DUS2: variants seen among roughly 807,000 people sequenced by gnomAD.
DUS2 encodes the protein tRNA-dihydrouridine(20) synthase [NAD(P)+]-like.
Under a neutral mutation model 71.3 loss-of-function variants are expected in DUS2, and 52 were observed. The ratio of observed to expected loss-of-function variants is 0.73; its 90% confidence interval spans 0.58 to 0.92. The LOEUF is 0.92. Ranked by LOEUF, DUS2 falls within the 40% of genes least tolerant of loss-of-function variation. The pLI is 0.00. For missense variants in DUS2, 558 were observed against 622.6 expected (o/e 0.90, Z 1.10); for synonymous variants, 204 against 227.8 (o/e 0.90, Z 0.94).
At chr16:68,067,984 C>T (rs866882018) in intron 10 of DUS2, among the ~76,000 whole-genome samples, 1 of 152,208 alleles carries the variant, frequency 6.6e-6, no homozygotes, top group Admixed American at 6.5e-5. Flanking sequence ...CTCTGCCTCT[C>T]TTGTCTGCAT....
chr16:68,071,767 A>T (rs2034090185), intron 12 of DUS2, among the ~76,000 whole-genome samples: 1 of 151,556 alleles, frequency 6.6e-6, no homozygotes, highest in Admixed American at 6.6e-5. Flanking sequence ...CCTCCCAAGT[A>T]GTTGGGACTA....
intron 3 of DUS2, among the ~76,000 whole-genome samples, chr16:68,043,861 T>C (rs2033665467): frequency 6.6e-6 from 1 of 152,068 alleles, no homozygotes; most frequent in Non-Finnish European, 1.5e-5. Flanking sequence ...GACGGGGTTT[T>C]GGCATGTTGG....
intron 7 of DUS2, among the ~76,000 whole-genome samples, chr16:68,057,229 T>C (rs1335125669): frequency 1.4e-5 from 2 of 143,666 alleles, no homozygotes; most frequent in Non-Finnish European, 3.0e-5. Context: ...TGTATGTGTA[T>C]AGATACATAT....
chr16:68,069,115 G>A (rs1455282966), intron 10 of DUS2, among the ~76,000 whole-genome samples: 1 of 152,016 alleles, frequency 6.6e-6, no homozygotes, highest in Non-Finnish European at 1.5e-5. Flanking sequence ...GGGCCCGGGC[G>A]CGGTGGCTAA....
At chr16:68,052,677 C>G (rs977433562) in intron 4 of DUS2, among the ~76,000 whole-genome samples, 2 of 151,248 alleles carry the variant, frequency 1.3e-5, no homozygotes, top group Non-Finnish European at 2.9e-5. Flanking sequence ...GAGCCTCCCT[C>G]TGTTGCCCAG....
In DUS2 at chr16:68,073,489, G is replaced by A. The variant is rs900371501; in HGVS notation, c.811-545G>A. Among the ~76,000 whole-genome samples, 15 of 142,922 alleles carry A rather than the reference G, an allele frequency of 1.0e-4. No individual in the cohort carries two copies. The East Asian group carries it at 1.8e-3, about 18-fold the overall frequency. The allele number at this position is 142,922 out of a possible 152,430, so 93.8% of individuals were successfully genotyped here. ...TTTGAGACAGAGTTTTGCTGTTGTC[G>A]CCCAGGCTGGAGTGCAGTGGCACGA... On this transcript the variant is annotated intron_variant, in intron 12 of 16. Coordinates refer to ENST00000565263, the MANE Select transcript of DUS2 (RefSeq NM_017803.5).
chr16:68,078,462 T>C lies in DUS2; in HGVS notation c.1188T>C (p.Asp396=), dbSNP rs755411394. 6 of 1,614,084 alleles carry C rather than the reference T, an allele frequency of 3.7e-6. No homozygotes were observed. Among genetic ancestry groups the C allele is most frequent in the Non-Finnish European group, 5.1e-6 (6 of 1,180,036 alleles). ...PVYETVQRPL[D]RLFSSIVTVA... ...TGTATCAGGTTCAACGCCCTCTAGA[T>C]CGCCTGTTCTCCTCTATTGTCACCG... The change falls in exon 16 of 17, where the codon GAT becomes GAC. Residue 396 remains aspartate (D), a synonymous_variant. Transcript: ENST00000565263.
At chr16:68,034,180 C>A (rs151088610) in intron 2 of DUS2, among the ~76,000 whole-genome samples, 1 of 152,204 alleles carries the variant, frequency 6.6e-6, no homozygotes, top group African/African-American at 2.4e-5. Context: ...GTGATCTCAC[C>A]TCAGCCTCCC....
At chr16:68,043,298 G>C (rs1425554800) in intron 3 of DUS2, among the ~76,000 whole-genome samples, 1 of 152,068 alleles carries the variant, frequency 6.6e-6, no homozygotes, top group Non-Finnish European at 1.5e-5. Flanking sequence ...CCCAGCTACT[G>C]GGGAGGCTGA....
intron 2 of DUS2, among the ~76,000 whole-genome samples, chr16:68,027,946 A>G (rs1488794952): frequency 6.6e-6 from 1 of 152,142 alleles, no homozygotes; most frequent in Non-Finnish European, 1.5e-5. Context: ...GAAGCTTAGC[A>G]TGGGGGAGTT....
intron 8 of DUS2, among the ~76,000 whole-genome samples, chr16:68,065,557 G>A (rs2033993951): frequency 1.3e-5 from 2 of 151,978 alleles, no homozygotes; most frequent in Non-Finnish European, 2.9e-5. Flanking sequence ...CTTGAGCTAG[G>A]GAGGCAGAGG....
intron 4 of DUS2, among the ~76,000 whole-genome samples, chr16:68,049,797 G>A (rs1158294173): frequency 6.6e-6 from 1 of 152,172 alleles, no homozygotes; most frequent in African/African-American, 2.4e-5. Flanking sequence ...TCATAGCATA[G>A]GAGGGACTCT....
chr16:68,030,766 C>T (rs1211068714), intron 2 of DUS2, among the ~76,000 whole-genome samples: 3 of 152,068 alleles, frequency 2.0e-5, no homozygotes, highest in Non-Finnish European at 4.4e-5. Flanking sequence ...GGGCCTTGCT[C>T]TGTCACCCAG....
At chr16:68,035,980 C>CAT (rs1228499911) in intron 2 of DUS2, among the ~76,000 whole-genome samples, 3 of 129,278 alleles carry the variant, frequency 2.3e-5, no homozygotes, top group African/African-American at 9.6e-5. Flanking sequence ...TATATATATA[C>CAT]ATATATATAT....
intron 7 of DUS2, among the ~76,000 whole-genome samples, chr16:68,056,975 TA>T (rs1042368394): frequency 7.8e-5 from 11 of 141,410 alleles, no homozygotes; most frequent in Non-Finnish European, 1.4e-4. Flanking sequence ...ATTACACATA[TA>T]AATATATACA....
chr16:68,075,398 G>C lies in DUS2; in HGVS notation c.976G>C (p.Glu326Gln). The C allele has an allele frequency of 6.2e-7, 1 of 1,613,542 alleles. No individual in the cohort carries two copies. Among genetic ancestry groups the C allele is most frequent in the Non-Finnish European group, 8.5e-7 (1 of 1,179,724 alleles). Residue 326 changes from glutamate (E) to glutamine (Q), a missense_variant, in exon 14 of 17, where the codon GAG (glutamate) becomes CAG (glutamine). Glu to Gln is a conservative substitution (Grantham distance 29, BLOSUM62 2). Transcript: ENST00000565263. The stretch of plus-strand genomic sequence containing the variant: ...TGCCTTCTATGAGGAGACCACACAG[G>C]AGCTGGATGCCCAGCAGGCCAGGCT... ...LGAFYEETTQELDAQQARLSA... is the reference protein window; with the variant it reads ...LGAFYEETTQQLDAQQARLSA...
chr16:68,074,487 C>T (rs879265979), intron 13 of DUS2, among the ~76,000 whole-genome samples: 16 of 152,206 alleles, frequency 1.1e-4, no homozygotes, highest in Non-Finnish European at 1.9e-4. Flanking sequence ...CATGGAGCCT[C>T]TACCTTGAGC....
intron 6 of DUS2, among the ~76,000 whole-genome samples, chr16:68,055,932 C>T (rs1238112747): frequency 6.6e-6 from 1 of 151,756 alleles, no homozygotes; most frequent in East Asian, 1.9e-4. Flanking sequence ...TTGGATTAAA[C>T]CATCTGTGCA....
At chr16:68,051,812 A>C (rs894993638) in intron 4 of DUS2, among the ~76,000 whole-genome samples, 16 of 152,262 alleles carry the variant, frequency 1.1e-4, no homozygotes, top group Non-Finnish European at 7.4e-5. Flanking sequence ...CAAGATGTGT[A>C]TTTTCTCTGT....
Sources: allele counts gnomAD v4.1 joint callset (sites outside exome capture counted in the v4.1 genomes callset), GRCh38; gene constraint gnomAD v4.1.1; transcripts MANE v1.5; gene names NCBI Gene and HGNC (gene_info 2026-07-23, HGNC 2026-07-21).